The following ANKRD36C variants were observed in gnomAD, a reference collection of about 807,000 sequenced individuals.
The protein encoded by ANKRD36C is ankyrin repeat domain 36C, also known as ankyrin repeat domain-containing protein 36C.
In ANKRD36C, 61 loss-of-function variants were observed where a neutral mutation model predicts 276.4. The observed-to-expected ratio is 0.22, with a 90% CI of 0.18 to 0.27. The LOEUF (loss-of-function observed/expected upper bound fraction) is 0.27. Ranked by LOEUF, ANKRD36C falls within the 10% of genes least tolerant of loss-of-function variation. The pLI is 1.00. For missense variants in ANKRD36C, 1,447 were observed against 2,032.3 expected (o/e 0.71, Z 5.54); for synonymous variants, 483 against 680.1 (o/e 0.71, Z 4.51).
At chr2:95,921,060 G>A (rs1677250453) in intron 34 of ANKRD36C, among the ~76,000 whole-genome samples, 1 of 150,428 alleles carries the variant, frequency 6.6e-6, no homozygotes, top group African/African-American at 2.5e-5. Flanking sequence ...TGTGAAGTGA[G>A]TTCACTCAGA....
At chr2:95,927,132 T>C (rs1677425155) in intron 28 of ANKRD36C, 82 bp downstream of exon 28, 5 of 1,561,928 alleles carry the variant, frequency 3.2e-6, no homozygotes, top group Admixed American at 1.7e-5. Flanking sequence ...CTTCAATGAA[T>C]CCCCCGCTGA....
chr2:95,901,887 G>GC (rs1339160878), intron 42 of ANKRD36C, among the ~76,000 whole-genome samples: 1 of 147,782 alleles, frequency 6.8e-6, no homozygotes, highest in African/African-American at 2.5e-5. Flanking sequence ...TAATATATTA[G>GC]CCTCAATAAA....
chr2:95,879,667 G>T (rs1676032943), intron 58 of ANKRD36C, among the ~76,000 whole-genome samples: 1 of 152,060 alleles, frequency 6.6e-6, no homozygotes, highest in Admixed American at 6.6e-5. Flanking sequence ...TATAATAAGT[G>T]TAACAAAATT....
intron 22 of ANKRD36C, among the ~76,000 whole-genome samples, chr2:95,937,791 T>A (rs367875555): frequency 0.017 from 2,078 of 118,808 alleles, no homozygotes; most frequent in South Asian, 0.055. Context: ...TATGGCAGTG[T>A]ATACAGCTAT....
At chr2:95,963,179 C>G (rs1210575001) in intron 6 of ANKRD36C, among the ~76,000 whole-genome samples, 1 of 151,922 alleles carries the variant, frequency 6.6e-6, no homozygotes, top group Non-Finnish European at 1.5e-5. Context: ...TCTAGTTCAG[C>G]CTTCTGAAAG....
chr2:95,980,193 T>C (rs533789994), intron 5 of ANKRD36C, among the ~76,000 whole-genome samples: 1 of 152,222 alleles, frequency 6.6e-6, no homozygotes, highest in East Asian at 1.9e-4. Context: ...ACACTGATTG[T>C]CTTCCTTGGA....
intron 58 of ANKRD36C, 55 bp from the exon 79 acceptor site, chr2:95,876,567 A>G (rs1202298965): frequency 2.9e-6 from 4 of 1,391,772 alleles, no homozygotes; most frequent in Non-Finnish European, 4.0e-6. Flanking sequence ...GTTAGATAAA[A>G]GCCATGGTCA....
At chr2:95,966,204 G>A (rs1320154333) in intron 6 of ANKRD36C, among the ~76,000 whole-genome samples, 1 of 152,152 alleles carries the variant, frequency 6.6e-6, no homozygotes, top group Non-Finnish European at 1.5e-5. Flanking sequence ...GGCTTTTGTT[G>A]CCATTGCTTT....
intron 16 of ANKRD36C, among the ~76,000 whole-genome samples, chr2:95,949,438 G>C (rs2104480897): frequency 6.6e-6 from 1 of 151,746 alleles, no homozygotes; most frequent in East Asian, 1.9e-4. Context: ...CCTTCCTATG[G>C]GCTCCCCCTT....
At chr2:95,990,957 G>A (rs940734381) in intron 1 of ANKRD36C, among the ~76,000 whole-genome samples, 3 of 152,106 alleles carry the variant, frequency 2.0e-5, no homozygotes, top group African/African-American at 7.2e-5. Flanking sequence ...TTATAAAGAA[G>A]CAGCATGGTG....
At chr2:95,901,898 A>T (rs1240101186) in intron 42 of ANKRD36C, among the ~76,000 whole-genome samples, 1 of 148,516 alleles carries the variant, frequency 6.7e-6, no homozygotes, top group African/African-American at 2.5e-5. Flanking sequence ...CCTCAATAAA[A>T]ATATCATCAA....
At chr2:95,930,799 T>G (rs1484601165) in intron 24 of ANKRD36C, among the ~76,000 whole-genome samples, 2 of 150,576 alleles carry the variant, frequency 1.3e-5, no homozygotes. Flanking sequence ...ACAAAATAAC[T>G]ACCTCAGCAA....
At chr2:95,972,996 A>G (rs1404947190) in intron 6 of ANKRD36C, among the ~76,000 whole-genome samples, 2 of 152,172 alleles carry the variant, frequency 1.3e-5, no homozygotes, top group Non-Finnish European at 2.9e-5. Context: ...TGTAGTCCCA[A>G]CTACTCCAAC....
intron 58 of ANKRD36C, among the ~76,000 whole-genome samples, chr2:95,879,662 T>C (rs974256466): frequency 1.6e-4 from 24 of 152,108 alleles, no homozygotes; most frequent in African/African-American, 4.6e-4. Context: ...CTTAATATAA[T>C]AAGTGTAACA....
rs961725018 is a variant in ANKRD36C at position 95,921,895 on chromosome 2, T to C, written c.2144-85A>G. The C allele has an allele frequency of 1.9e-5, 26 of 1,384,460 alleles. No homozygotes were observed. In the Admixed American group the frequency reaches 2.1e-4, roughly 11 times the overall value. The allele number at this position is 1,384,460 out of a possible 1,614,324, so 85.8% of individuals were successfully genotyped here. ...TGCGGTGTTAGCATCAAGCTGTATC[T>C]GCCTGCCTGTATTAGTGTAGGCTTT... On this transcript the variant is annotated intron_variant, in intron 32 of 66. Coordinates refer to ENST00000456556, the Ensembl canonical transcript of ANKRD36C.
chr2:95,943,995 A>G (rs1261473013), intron 19 of ANKRD36C, among the ~76,000 whole-genome samples: 1 of 152,230 alleles, frequency 6.6e-6, no homozygotes, highest in East Asian at 1.9e-4. Flanking sequence ...TCTCCTGGCT[A>G]TTTTTAAATG....
chr2:95,918,677 C>T (rs914234434), intron 34 of ANKRD36C, among the ~76,000 whole-genome samples: 7 of 151,624 alleles, frequency 4.6e-5, no homozygotes, highest in Non-Finnish European at 8.9e-5. Flanking sequence ...TTTATCCCTC[C>T]AAAACTTTCT....
intron 1 of ANKRD36C, among the ~76,000 whole-genome samples, chr2:95,988,020 T>C (rs1363479630): frequency 6.6e-6 from 1 of 152,118 alleles, no homozygotes. Context: ...AAACATTATC[T>C]TATTGATATA....
At chr2:95,958,342 ATCTTGAACTGC>A in intron 12 of ANKRD36C, among the ~76,000 whole-genome samples, 1 of 147,556 alleles carries the variant, frequency 6.8e-6, no homozygotes, top group East Asian at 2.0e-4. Flanking sequence ...AGCCTGTTGT[ATCTTGAACTGC>A]TCTCCAATGG....
Sources: allele counts gnomAD v4.1 joint callset (sites outside exome capture counted in the v4.1 genomes callset), GRCh38; gene constraint gnomAD v4.1.1; transcripts MANE v1.5; gene names NCBI Gene and HGNC (gene_info 2026-07-23, HGNC 2026-07-21).